Variants in PPM1D observed in about 807,000 individuals in gnomAD.
PPM1D encodes the protein protein phosphatase 1D.
A neutral mutation model predicts 58.3 loss-of-function variants in PPM1D; 52 were observed. The ratio of observed to expected loss-of-function variants is 0.89; its 90% CI spans 0.71 to 1.12. The LOEUF is 1.12. Ranked by LOEUF, PPM1D falls within the 50% of genes most tolerant of loss-of-function variation. PPM1D has a pLI of 0.00. For missense variants in PPM1D, 564 were observed against 777.2 expected (o/e 0.73, Z 3.26); for synonymous variants, 278 against 285.1 (o/e 0.98, Z 0.25).
chr17:60,630,810 C>A (rs1213022866), intron 2 of PPM1D, among the ~76,000 whole-genome samples: 1 of 152,130 alleles, frequency 6.6e-6, no homozygotes, highest in Admixed American at 6.6e-5. Context: ...AGGTACTAAG[C>A]CTTACCTTGT....
intron 4 of PPM1D, among the ~76,000 whole-genome samples, chr17:60,654,707 C>CA (rs565486238): frequency 2.5e-4 from 37 of 147,286 alleles, no homozygotes; most frequent in Middle Eastern, 3.4e-3. Context: ...ACTAAAAATA[C>CA]AAAAAAAAAA....
At chr17:60,645,659 T>TAC (rs748981153) in intron 3 of PPM1D, among the ~76,000 whole-genome samples, 123 of 138,054 alleles carry the variant, frequency 8.9e-4, no homozygotes, top group Non-Finnish European at 1.3e-3. Context: ...TATATATATA[T>TAC]ACACACACAC....
In PPM1D at chr17:60,600,404, G is replaced by T. The variant is rs1284243469; in HGVS notation, c.-11G>T. ...GCTGCGTGGGACCGGCGGGATCCCG[G>T]CCAGCCGGCCATGGCGGGGCTGTAC... is the stretch of plus-strand genomic sequence containing the variant. On this transcript the variant is annotated 5_prime_UTR_variant, in exon 1 of 6. Coordinates refer to ENST00000305921, the MANE Select transcript of PPM1D (RefSeq NM_003620.4). The T allele has an allele frequency of 5.8e-6, 9 of 1,541,566 alleles. No individual in the cohort carries two copies. Among genetic ancestry groups the T allele is most frequent in the Non-Finnish European group, 7.9e-6 (9 of 1,144,662 alleles).
chr17:60,627,361 A>G (rs1353887056), intron 2 of PPM1D, among the ~76,000 whole-genome samples: 1 of 151,956 alleles, frequency 6.6e-6, no homozygotes, highest in East Asian at 1.9e-4. Flanking sequence ...TTCCCATGTT[A>G]GTCTCTTGAG....
intron 4 of PPM1D, among the ~76,000 whole-genome samples, chr17:60,654,443 G>T (rs2031397782): frequency 7.2e-6 from 1 of 138,104 alleles, no homozygotes; most frequent in Non-Finnish European, 1.6e-5. Context: ...GGTGGAGACT[G>T]CAGTAAGCCG....
At position 60,645,721 on chromosome 17, in the gene PPM1D, A is replaced by G. The variant is rs532831671; in HGVS notation, c.827-2171A>G. Among the ~76,000 whole-genome samples the G allele has an allele frequency of 2.7e-5, 4 of 149,372 alleles. No individual in the cohort carries two copies. The Admixed American group carries it at 2.7e-4, about 10-fold the overall frequency. On this transcript the variant is annotated intron_variant, in intron 3 of 5. Transcript: ENST00000305921. The stretch of plus-strand genomic sequence containing the variant: ...GTAGATAGGTATCTCCAGAAAGATA[A>G]GAACATAAGAATAATAGTCCTTACA...
chr17:60,639,623 A>C (rs1000235917), intron 3 of PPM1D, among the ~76,000 whole-genome samples: 1 of 152,166 alleles, frequency 6.6e-6, no homozygotes, highest in Non-Finnish European at 1.5e-5. Flanking sequence ...TTTTTAGTAC[A>C]GACGGGGTTT....
chr17:60,609,479 T>G (rs1165729940), intron 1 of PPM1D, among the ~76,000 whole-genome samples: 1 of 152,258 alleles, frequency 6.6e-6, no homozygotes, highest in Admixed American at 6.5e-5. Context: ...TTCTGCAGTT[T>G]GTTAACTTTG....
chr17:60,654,908 A>G (rs2031407267), intron 4 of PPM1D, among the ~76,000 whole-genome samples: 1 of 151,972 alleles, frequency 6.6e-6, no homozygotes, highest in South Asian at 2.1e-4. Context: ...AAAGAAAAAA[A>G]TACATGTAGG....
intron 1 of PPM1D, among the ~76,000 whole-genome samples, chr17:60,611,487 C>T (rs776045548): frequency 7.3e-5 from 11 of 151,504 alleles, no homozygotes; most frequent in Admixed American, 1.3e-4. Context: ...TGGAGTGCAG[C>T]GGCACGATCT....
intron 2 of PPM1D, among the ~76,000 whole-genome samples, chr17:60,632,603 T>G (rs1257232102): frequency 6.6e-6 from 1 of 152,040 alleles, no homozygotes; most frequent in Non-Finnish European, 1.5e-5. Flanking sequence ...CTCACACCTG[T>G]AATCCCAGCA....
At chr17:60,603,133 TTTC>T (rs1259851767) in intron 1 of PPM1D, among the ~76,000 whole-genome samples, 1 of 152,188 alleles carries the variant, frequency 6.6e-6, no homozygotes, top group African/African-American at 2.4e-5. Flanking sequence ...GTCAGTATGT[TTTC>T]TTCTGTGAAG....
At chr17:60,631,337 A>G (rs972024424) in intron 2 of PPM1D, among the ~76,000 whole-genome samples, 7 of 151,578 alleles carry the variant, frequency 4.6e-5, no homozygotes, top group Admixed American at 6.6e-5. Context: ...AATGAAAACT[A>G]GTTCTCAAAA....
At chr17:60,627,586 T>A (rs914190679) in intron 2 of PPM1D, among the ~76,000 whole-genome samples, 5 of 152,042 alleles carry the variant, frequency 3.3e-5, no homozygotes, top group African/African-American at 1.2e-4. Flanking sequence ...CATGCCCAGC[T>A]AATTTTTGTA....
intron 1 of PPM1D, among the ~76,000 whole-genome samples, chr17:60,602,780 A>G (rs1228175793): frequency 9.5e-4 from 8 of 8,454 alleles, no homozygotes; most frequent in Non-Finnish European, 5.2e-3. Context: ...TCAAAGCTTG[A>G]AAAAAAAAAA....
In PPM1D at chr17:60,620,858, A is replaced by T. The variant is rs548788731; in HGVS notation, c.473-2663A>T. 1.1e-4 allele frequency among the ~76,000 whole-genome samples: 17 copies of T among 151,848 alleles called. No individual in the cohort carries two copies. The South Asian group carries it at 2.3e-3, about 20-fold the overall frequency. ...ATTAAAAAAGTAATTGCCAAGACCA[A>T]CGTCGAGATTTTTCCTTATGTTTTT... On this transcript the variant is annotated intron_variant, in intron 1 of 5. Coordinates refer to ENST00000305921, the MANE Select transcript of PPM1D (RefSeq NM_003620.4).
At chr17:60,635,819 T>C (rs747016920) in intron 3 of PPM1D, among the ~76,000 whole-genome samples, 4 of 152,342 alleles carry the variant, frequency 2.6e-5, no homozygotes, top group Non-Finnish European at 5.9e-5. Flanking sequence ...GTTATTACAG[T>C]CCCGCTGTAT....
chr17:60,648,178 G>A lies in PPM1D; in HGVS notation c.1017+96G>A, dbSNP rs2031281988. Reference sequence around the variant, plus strand: ...TATGAACTAAGGACATTGACCTTGGGTAGATTTTTGCATTTGCCTTGATCT... The same window carrying A: ...TATGAACTAAGGACATTGACCTTGGATAGATTTTTGCATTTGCCTTGATCT... On this transcript the variant is annotated intron_variant, in intron 4 of 5. Coordinates refer to ENST00000305921, the MANE Select transcript of PPM1D (RefSeq NM_003620.4). The A allele has an allele frequency of 1.9e-5, 25 of 1,344,514 alleles. 1 individual carries two copies. In the South Asian group the frequency reaches 3.6e-4, roughly 19 times the overall value. The allele number at this position is 1,344,514 out of a possible 1,614,324, so 83.3% of individuals were successfully genotyped here. A position where few individuals can be genotyped will look rare whatever the true frequency, so the allele number is the denominator to read the frequency against.
chr17:60,610,761 A>G (rs555345514), intron 1 of PPM1D, among the ~76,000 whole-genome samples: 4 of 152,298 alleles, frequency 2.6e-5, no homozygotes, highest in African/African-American at 9.6e-5. Flanking sequence ...TTTCATAGAA[A>G]AGGTTTGCTG....
Sources: allele counts gnomAD v4.1 joint callset (sites outside exome capture counted in the v4.1 genomes callset), GRCh38; gene constraint gnomAD v4.1.1; transcripts MANE v1.5; gene names NCBI Gene and HGNC (gene_info 2026-07-23, HGNC 2026-07-21).